The following WWOX variants were observed in gnomAD, a reference collection of about 807,000 sequenced individuals.
WWOX encodes WW domain containing oxidoreductase, also known as WW domain-containing oxidoreductase.
WWOX carries 69 observed loss-of-function variants against 46.2 expected under a neutral mutation model. That is an observed-to-expected ratio of 1.49 (90% CI 1.23 to 1.82). The LOEUF (loss-of-function observed/expected upper bound fraction) is 1.82, where lower values mean the gene tolerates loss of function less well. Ranked by LOEUF, WWOX falls within the 40% of genes most tolerant of loss-of-function variation. WWOX has a pLI of 0.00. For synonymous variants in WWOX, 359 were observed against 202.6 expected, an observed-to-expected ratio of 1.77 and a Z score of -6.56; for missense variants, 919 against 542.6, an observed-to-expected ratio of 1.69 and a Z score of -6.89.
At chr16:78,839,648 T>TA (rs2052085125) in intron 8 of WWOX, among the ~76,000 whole-genome samples, 1 of 152,154 alleles carries the variant, frequency 6.6e-6, no homozygotes, top group African/African-American at 2.4e-5. Flanking sequence ...TTCTCACTGT[T>TA]ATGGAGGGTG....
rs144500709 is a variant in WWOX, at chr16:78,354,580, G to C, written c.517-32280G>C. Among the ~76,000 whole-genome samples, 618 of 152,172 alleles carry C rather than the reference G, an allele frequency of 4.1e-3. 8 individuals carry two copies. The highest frequency in any genetic ancestry group is 0.013 in the African/African-American group (529 of 41,520). On this transcript the variant is annotated intron_variant, in intron 5 of 8. Transcript: ENST00000566780. ...TCATATGCTTAGAAATATCCAGCAA[G>C]CCACTTTTAAAGGCTTTTTATCACA...
intron 4 of WWOX, among the ~76,000 whole-genome samples, chr16:78,134,373 G>T (rs751886005): frequency 1.3e-5 from 2 of 151,880 alleles, no homozygotes; most frequent in Non-Finnish European, 2.9e-5. Context: ...TGAATACTTC[G>T]CAATGCCTGC....
At chr16:79,076,672 G>C (rs565602078) in intron 8 of WWOX, among the ~76,000 whole-genome samples, 2 of 152,346 alleles carry the variant, frequency 1.3e-5, no homozygotes, top group African/African-American at 4.8e-5. Flanking sequence ...AAACTTGAGA[G>C]TCAGACGGAT....
At chr16:78,520,390 C>T (rs1243376357) in intron 8 of WWOX, among the ~76,000 whole-genome samples, 1 of 152,146 alleles carries the variant, frequency 6.6e-6, no homozygotes, top group African/African-American at 2.4e-5. Flanking sequence ...TTTCATGTCT[C>T]GAAGACTTCT....
At chr16:78,328,488 A>AGAT (rs571135870) in intron 5 of WWOX, among the ~76,000 whole-genome samples, 12 of 152,326 alleles carry the variant, frequency 7.9e-5, no homozygotes, top group African/African-American at 2.4e-4. Flanking sequence ...GTTGCTGGTA[A>AGAT]GATGATGATG....
rs975837722 is a variant in WWOX at position 78,722,686 on chromosome 16, T to C, written c.1056+289934T>C. ...ACTGGAGCATGATTTAAAGGAACTGTAGTTTGTCTCTGTTTTTTTTTTTTT... is the reference window on the plus strand; with the variant it reads ...ACTGGAGCATGATTTAAAGGAACTGCAGTTTGTCTCTGTTTTTTTTTTTTT... On this transcript the variant is annotated intron_variant, in intron 8 of 8. Coordinates refer to ENST00000566780, the MANE Select transcript of WWOX (RefSeq NM_016373.4). Among the ~76,000 whole-genome samples the C allele has an allele frequency of 6.1e-5, 9 of 147,668 alleles. No individual in the cohort carries two copies. In the East Asian group the frequency reaches 1.8e-3, roughly 30 times the overall value.
Position 79,104,042 on chromosome 16 carries a change from G to A in WWOX, c.1057-107566G>A, listed in dbSNP as rs868637040. ...TATGTGGTGGTGCCCTTTTTTGGGG[G>A]GGGGGGGGCGGGTGGTGGGGGTACT... On this transcript the variant is annotated intron_variant, in intron 8 of 8. Coordinates refer to ENST00000566780, the MANE Select transcript of WWOX (RefSeq NM_016373.4). Among the ~76,000 whole-genome samples, 7 of 123,024 alleles carry A rather than the reference G, an allele frequency of 5.7e-5. 1 individual carries two copies. The highest frequency in any genetic ancestry group is 4.0e-4 in the Admixed American group (5 of 12,528). The allele number at this position is 123,024 out of a possible 152,430, so 80.7% of individuals were successfully genotyped here.
chr16:79,205,636 T>A (rs1456454731), intron 8 of WWOX: 6 of 152,170 alleles, frequency 3.9e-5, no homozygotes, highest in Admixed American at 2.0e-4. Flanking sequence ...TAATAAAGGT[T>A]AAGAATAGCC....
At chr16:78,515,844 C>T (rs1198765412) in intron 8 of WWOX, among the ~76,000 whole-genome samples, 1 of 152,202 alleles carries the variant, frequency 6.6e-6, no homozygotes, top group Non-Finnish European at 1.5e-5. Flanking sequence ...CAATAACATT[C>T]TCCAATCTTG....
chr16:79,023,577 G>C (rs1182534878), intron 8 of WWOX, among the ~76,000 whole-genome samples: 8 of 152,130 alleles, frequency 5.3e-5, no homozygotes, highest in Admixed American at 4.6e-4. Context: ...GCAAACATGT[G>C]TGTGTTAAAA....
At chr16:78,319,733 A>T (rs1228843364) in intron 5 of WWOX, among the ~76,000 whole-genome samples, 1 of 152,128 alleles carries the variant, frequency 6.6e-6, no homozygotes, top group Non-Finnish European at 1.5e-5. Context: ...CCACTACTAA[A>T]ATACAGGACT....
intron 8 of WWOX, among the ~76,000 whole-genome samples, chr16:78,544,988 G>A (rs182750894): frequency 6.6e-6 from 1 of 152,272 alleles, no homozygotes; most frequent in Non-Finnish European, 1.5e-5. Context: ...ACCAGCCTGG[G>A]CACATAGTGA....
intron 8 of WWOX, among the ~76,000 whole-genome samples, chr16:78,523,153 G>C (rs1217905381): frequency 6.6e-6 from 1 of 152,102 alleles, no homozygotes; most frequent in Non-Finnish European, 1.5e-5. Context: ...TTTGAGCAGT[G>C]GCTTACAGAC....
chr16:78,723,720 C>T (rs12597711), intron 8 of WWOX, among the ~76,000 whole-genome samples: 40,709 of 150,962 alleles, frequency 0.27, 5,680 homozygotes, highest in Non-Finnish European at 0.29. Context: ...TTGGAGTGCT[C>T]TCTGGGTTCA....
intron 8 of WWOX, among the ~76,000 whole-genome samples, chr16:78,835,017 A>G (rs552445583): frequency 1.3e-4 from 20 of 152,140 alleles, no homozygotes; most frequent in African/African-American, 3.9e-4. Flanking sequence ...TTTTTGTTCA[A>G]TTTCCACTCA....
At chr16:78,904,781 T>C (rs892548981) in intron 8 of WWOX, among the ~76,000 whole-genome samples, 1 of 152,242 alleles carries the variant, frequency 6.6e-6, no homozygotes, top group African/African-American at 2.4e-5. Context: ...TTCTCGGGCC[T>C]TTGCACCTTC....
chr16:78,735,019 A>G (rs2049053596), intron 8 of WWOX, among the ~76,000 whole-genome samples: 2 of 151,014 alleles, frequency 1.3e-5, no homozygotes, highest in African/African-American at 4.9e-5. Context: ...GGCACCCACC[A>G]TCATGCCCAG....
intron 8 of WWOX, among the ~76,000 whole-genome samples, chr16:78,930,287 A>ATT (rs71140846): frequency 0.14 from 12,177 of 88,588 alleles, 1,062 homozygotes; most frequent in African/African-American, 0.18. Flanking sequence ...TTCTTTTTTT[A>ATT]TTTTTTTTTT....
Position 78,266,242 on chromosome 16 carries a change from A to G in WWOX, c.516+101953A>G, listed in dbSNP as rs550569054. Among the ~76,000 whole-genome samples, 3 of 152,370 alleles carry G rather than the reference A, an allele frequency of 2.0e-5. No homozygotes were observed. The South Asian group carries it at 6.2e-4, about 32-fold the overall frequency. On this transcript the variant is annotated intron_variant, in intron 5 of 8. Transcript: ENST00000566780. ...ATGTTTTATTACATGTAAAAATTGT[A>G]TGAAATTCAAATTTCAGTGTTCATA...
Sources: allele counts gnomAD v4.1 joint callset (sites outside exome capture counted in the v4.1 genomes callset), GRCh38; gene constraint gnomAD v4.1.1; transcripts MANE v1.5; gene names NCBI Gene and HGNC (gene_info 2026-07-23, HGNC 2026-07-21).